Variants in CDH8 observed in about 807,000 individuals in gnomAD.
CDH8 encodes cadherin-8.
Under a neutral mutation model 68.1 loss-of-function variants are expected in CDH8, and 17 were observed. The observed-to-expected ratio is 0.25, with a 90% CI of 0.17 to 0.37. The LOEUF is 0.37. Ranked by LOEUF, CDH8 falls within the 10% of genes least tolerant of loss-of-function variation. CDH8 has a pLI of 1.00. For missense variants in CDH8, 763 were observed against 999.3 expected (o/e 0.76, Z 3.19); for synonymous variants, 372 against 365.1 (o/e 1.02, Z -0.21).
Position 61,984,857 on chromosome 16 carries a change from A to G in CDH8, c.252+36295T>C, listed in dbSNP as rs12443613. Among the ~76,000 whole-genome samples the G allele has an allele frequency of 6.8e-3, 1,031 of 152,336 alleles. 28 individuals carry two copies. Among genetic ancestry groups the G allele is most frequent in the East Asian group, 0.057 (296 of 5,186 alleles). On this transcript the variant is annotated intron_variant, in intron 2 of 11. Transcript: ENST00000577390. ...TGATTTTTTGCGTATAGTATAAAAT[A>G]GAAATATTTTTTCCATATAGATAAT...
intron 8 of CDH8, among the ~76,000 whole-genome samples, chr16:61,727,647 A>C (rs1430975764): frequency 1.3e-5 from 2 of 151,096 alleles, no homozygotes; most frequent in African/African-American, 4.8e-5. Flanking sequence ...ACCTAGCAAA[A>C]GGCCAGAACT....
chr16:61,684,366 T>G (rs1964066501), intron 10 of CDH8, among the ~76,000 whole-genome samples: 1 of 151,928 alleles, frequency 6.6e-6, no homozygotes, highest in Non-Finnish European at 1.5e-5. Context: ...TCACCAGGTA[T>G]TACTTGAGAA....
At chr16:61,902,903 G>C (rs1159394898) in intron 2 of CDH8, among the ~76,000 whole-genome samples, 3 of 151,934 alleles carry the variant, frequency 2.0e-5, no homozygotes, top group Non-Finnish European at 4.4e-5. Context: ...AACAAATATT[G>C]AAATGCCACT....
chr16:61,940,606 T>G (rs1440680489), intron 2 of CDH8: 1 of 152,442 alleles, frequency 6.6e-6, no homozygotes, highest in East Asian at 1.9e-4. Context: ...TTTCACCATG[T>G]TGGCCAGGAC....
At chr16:61,825,232 G>C in intron 4 of CDH8, 53 bp from the exon 5 acceptor site, 1 of 1,458,186 alleles carries the variant, frequency 6.9e-7, no homozygotes, top group Non-Finnish European at 9.5e-7. Flanking sequence ...ATTCAAAAAT[G>C]AAAGTGTTAA....
intron 8 of CDH8, among the ~76,000 whole-genome samples, chr16:61,740,135 T>A (rs1007778386): frequency 6.6e-6 from 1 of 151,738 alleles, no homozygotes; most frequent in Non-Finnish European, 1.5e-5. Flanking sequence ...CTCGATCTCC[T>A]GACCTCGTGG....
intron 4 of CDH8, among the ~76,000 whole-genome samples, chr16:61,850,264 G>A (rs1014200732): frequency 1.3e-5 from 2 of 151,962 alleles, no homozygotes; most frequent in Admixed American, 6.6e-5. Flanking sequence ...GAGGTGCCAG[G>A]CTCCCTTAAA....
rs556064899 is a variant in CDH8, at chr16:61,733,474, TA to T, written c.1415-6260del. On this transcript the variant is annotated intron_variant, in intron 8 of 11. Coordinates refer to ENST00000577390, the MANE Select transcript of CDH8 (RefSeq NM_001796.5). The stretch of plus-strand genomic sequence containing the variant: ...ACACTAAAATAAAATAATAAGAAAA[TA>T]AAAAAATATATTGTGCTTCATCAAA... 6.2e-3 allele frequency among the ~76,000 whole-genome samples: 933 copies of T among 151,694 alleles called. 10 individuals carry two copies. Among genetic ancestry groups the T allele is most frequent in the African/African-American group, 0.021 (886 of 41,452 alleles).
At chr16:61,657,916 T>A (rs1384704584) in intron 10 of CDH8, among the ~76,000 whole-genome samples, 2 of 152,116 alleles carry the variant, frequency 1.3e-5, no homozygotes. Flanking sequence ...ACTAAATTCA[T>A]ACTTCTATAA....
chr16:62,005,170 A>G (rs1953721672), intron 2 of CDH8, among the ~76,000 whole-genome samples: 1 of 152,240 alleles, frequency 6.6e-6, no homozygotes, highest in South Asian at 2.1e-4. Flanking sequence ...ACTGTGTCCC[A>G]GTACTTGCAA....
At position 61,650,650 on chromosome 16, in the gene CDH8, T is replaced by C. The variant is rs970302077; in HGVS notation, c.*2958A>G. ...GCTAAAGTAAAACTTCAAGTCAAAATGTGTGTTTTTTATTTGTTTGTTGTG... is the reference window on the plus strand; with the variant it reads ...GCTAAAGTAAAACTTCAAGTCAAAACGTGTGTTTTTTATTTGTTTGTTGTG... On this transcript the variant is annotated 3_prime_UTR_variant, in exon 12 of 12. Coordinates refer to ENST00000577390, the MANE Select transcript of CDH8 (RefSeq NM_001796.5). 3 of 151,280 alleles carry C rather than the reference T, an allele frequency of 2.0e-5. No homozygotes were observed. Among genetic ancestry groups the C allele is most frequent in the African/African-American group, 7.3e-5 (3 of 41,170 alleles). The allele number at this position is 151,280 out of a possible 1,614,324, so 9.4% of individuals were successfully genotyped here. A position where few individuals can be genotyped will look rare whatever the true frequency, so the allele number is the denominator to read the frequency against.
At chr16:62,018,006 C>A (rs1901983218) in intron 2 of CDH8, among the ~76,000 whole-genome samples, 1 of 152,178 alleles carries the variant, frequency 6.6e-6, no homozygotes, top group South Asian at 2.1e-4. Context: ...CACACACATA[C>A]AATTAAGAAT....
intron 10 of CDH8, among the ~76,000 whole-genome samples, chr16:61,684,051 G>A (rs975230151): frequency 3.0e-4 from 45 of 152,078 alleles, no homozygotes; most frequent in African/African-American, 9.6e-4. Flanking sequence ...TGCACCCTTC[G>A]TGCTCCTCAG....
chr16:61,959,237 C>T (rs756368993), intron 2 of CDH8, among the ~76,000 whole-genome samples: 19 of 151,948 alleles, frequency 1.3e-4, no homozygotes, highest in Admixed American at 2.0e-4. Context: ...TGCCTGGCTG[C>T]AGAATTAACT....
chr16:61,671,904 C>CAGGTATTTCTGTTT (rs1475679775), intron 10 of CDH8, among the ~76,000 whole-genome samples: 1 of 151,936 alleles, frequency 6.6e-6, no homozygotes, highest in East Asian at 1.9e-4. Context: ...GTGTAGGTCA[C>CAGGTATTTCTGTTT]CCTTATGATT....
rs374615007 is a variant in CDH8, at chr16:61,949,325, T to C, written c.253-47852A>G. On this transcript the variant is annotated intron_variant, in intron 2 of 11. Transcript: ENST00000577390. Reference sequence around the variant, plus strand: ...TCAGCACTCTGTGCTAGCTAAAGGATTGTAAATGCACCAATCAGCACTCTG... The same window carrying C: ...TCAGCACTCTGTGCTAGCTAAAGGACTGTAAATGCACCAATCAGCACTCTG... Among the ~76,000 whole-genome samples, 14 of 152,088 alleles carry C rather than the reference T, an allele frequency of 9.2e-5. No homozygotes were observed. In the East Asian group the frequency reaches 1.2e-3, roughly 13 times the overall value.
At chr16:61,892,523 CT>C (rs937590587) in intron 3 of CDH8, among the ~76,000 whole-genome samples, 2 of 151,918 alleles carry the variant, frequency 1.3e-5, no homozygotes, top group African/African-American at 4.8e-5. Context: ...TACATTTATA[CT>C]TTTTTTTGCA....
chr16:61,740,867 G>T (rs1959853360), intron 8 of CDH8, among the ~76,000 whole-genome samples: 1 of 151,938 alleles, frequency 6.6e-6, no homozygotes, highest in Non-Finnish European at 1.5e-5. Flanking sequence ...TATGTCTTCT[G>T]ATGCAAAAAT....
chr16:61,954,293 C>G (rs991538049), intron 2 of CDH8, among the ~76,000 whole-genome samples: 4 of 152,222 alleles, frequency 2.6e-5, no homozygotes, highest in Admixed American at 6.5e-5. Flanking sequence ...TTCTCACCCT[C>G]TCACCTATTG....
Sources: gnomAD v4.1 joint callset for allele counts (sites outside exome capture counted in the v4.1 genomes callset) on GRCh38, gnomAD v4.1.1 for gene constraint, MANE v1.5 for transcripts, NCBI Gene and HGNC (gene_info 2026-07-23, HGNC 2026-07-21) for gene names.